The following NEK11 variants were observed in gnomAD, a reference collection of about 807,000 sequenced individuals.
NEK11 encodes the protein serine/threonine-protein kinase Nek11.
In NEK11, 72 loss-of-function variants were observed where a neutral mutation model predicts 80.7. The ratio of observed to expected loss-of-function variants is 0.89; its 90% CI spans 0.74 to 1.08. The LOEUF is 1.08. Among genes scored for constraint, NEK11 ranks in the 50% least tolerant of loss-of-function variants. The pLI, the probability that NEK11 is intolerant of heterozygous loss-of-function variation, is 0.00. For missense variants in NEK11, 764 were observed against 763.6 expected (o/e 1.00, Z -0.01); for synonymous variants, 251 against 260.7 (o/e 0.96, Z 0.36).
intron 3 of NEK11, among the ~76,000 whole-genome samples, chr3:131,075,156 G>T (rs2074128767): frequency 1.3e-5 from 2 of 152,100 alleles, no homozygotes; most frequent in Admixed American, 6.6e-5. Context: ...TGTGATCGGG[G>T]TACGTAGAAT....
chr3:131,187,503 T>C (rs1380541302), intron 14 of NEK11, among the ~76,000 whole-genome samples: 2 of 152,144 alleles, frequency 1.3e-5, no homozygotes, highest in Non-Finnish European at 2.9e-5. Context: ...GAGGGATTGG[T>C]TTACTGAAAT....
intron 5 of NEK11, among the ~76,000 whole-genome samples, chr3:131,115,964 T>G (rs1047026524): frequency 1.4e-5 from 2 of 145,146 alleles, no homozygotes; most frequent in Non-Finnish European, 3.0e-5. Flanking sequence ...CTTTCTTTCT[T>G]TCTTTCTTTC....
At chr3:131,063,189 T>C (rs2071235585) in intron 3 of NEK11, among the ~76,000 whole-genome samples, 2 of 152,106 alleles carry the variant, frequency 1.3e-5, no homozygotes, top group Non-Finnish European at 2.9e-5. Context: ...CACGCCCAGC[T>C]AATTTTTTTA....
chr3:131,341,230 CT>C lies in NEK11; in HGVS notation c.1719-8323del, dbSNP rs199808392. 9.9e-3 allele frequency among the ~76,000 whole-genome samples: 1,500 copies of C among 152,234 alleles called. 21 individuals are homozygous for C. Among genetic ancestry groups the C allele is most frequent in the African/African-American group, 0.032 (1,342 of 41,534 alleles). On this transcript the variant is annotated intron_variant, in intron 17 of 17. Transcript: ENST00000383366. ...TATTCCAAGACTAGAACACCTATAG[CT>C]TTTCTGTCAGCCTAAAATGAGTTTG...
intron 5 of NEK11, among the ~76,000 whole-genome samples, chr3:131,124,223 T>C (rs976049939): frequency 1.3e-5 from 2 of 152,214 alleles, no homozygotes; most frequent in Non-Finnish European, 2.9e-5. Flanking sequence ...TTGTGTCTCA[T>C]TGATGTTAGA....
At chr3:131,087,847 G>A (rs1365806140) in intron 4 of NEK11, among the ~76,000 whole-genome samples, 2 of 152,084 alleles carry the variant, frequency 1.3e-5, no homozygotes, top group Non-Finnish European at 2.9e-5. Context: ...CCTTTTCTGT[G>A]CTTCAGAACA....
intron 3 of NEK11, among the ~76,000 whole-genome samples, chr3:131,045,912 A>G (rs957134597): frequency 1.1e-4 from 16 of 152,154 alleles, no homozygotes; most frequent in African/African-American, 3.9e-4. Flanking sequence ...TTTGTCTGAT[A>G]TAAGAATAGC....
chr3:131,340,173 G>A (rs1171489748), intron 17 of NEK11, among the ~76,000 whole-genome samples: 1 of 152,190 alleles, frequency 6.6e-6, no homozygotes, highest in African/African-American at 2.4e-5. Flanking sequence ...CAGTTTTGTG[G>A]TTATGTAGAA....
intron 17 of NEK11, among the ~76,000 whole-genome samples, chr3:131,293,443 T>A (rs1350020652): frequency 6.6e-6 from 1 of 152,168 alleles, no homozygotes; most frequent in Non-Finnish European, 1.5e-5. Flanking sequence ...TAAATCCCAC[T>A]TGGTCATGTT....
intron 16 of NEK11, among the ~76,000 whole-genome samples, chr3:131,259,342 T>C (rs914869860): frequency 2.6e-5 from 4 of 152,210 alleles, no homozygotes; most frequent in African/African-American, 9.6e-5. Context: ...ATAAAATCAA[T>C]TCTCTGAAAG....
chr3:131,036,297 G>A (rs920740094), intron 3 of NEK11, among the ~76,000 whole-genome samples: 2 of 152,206 alleles, frequency 1.3e-5, no homozygotes, highest in African/African-American at 4.8e-5. Flanking sequence ...CTGGTCATCT[G>A]GAGCTTGAGT....
At chr3:131,154,632 G>A (rs1463423072) in intron 9 of NEK11, among the ~76,000 whole-genome samples, 2 of 152,182 alleles carry the variant, frequency 1.3e-5, no homozygotes, top group African/African-American at 4.8e-5. Context: ...TGGCTACTGA[G>A]TTTTTTGGTG....
At chr3:131,052,222 T>G (rs2068553628) in intron 3 of NEK11, among the ~76,000 whole-genome samples, 1 of 152,052 alleles carries the variant, frequency 6.6e-6, no homozygotes, top group African/African-American at 2.4e-5. Context: ...ATTCTTTTTT[T>G]TTTAAACAGC....
At chr3:131,102,464 G>C (rs1390926995) in intron 4 of NEK11, among the ~76,000 whole-genome samples, 1 of 152,148 alleles carries the variant, frequency 6.6e-6, no homozygotes, top group Non-Finnish European at 1.5e-5. Context: ...TGAAATTCTT[G>C]GTTGAAATTT....
chr3:131,066,604 C>T (rs752800004), intron 3 of NEK11, among the ~76,000 whole-genome samples: 4 of 152,012 alleles, frequency 2.6e-5, no homozygotes, highest in African/African-American at 7.2e-5. Flanking sequence ...GAGGTCAAGG[C>T]GGGCTGATCA....
chr3:131,294,981 T>A (rs1581531135), intron 17 of NEK11, among the ~76,000 whole-genome samples: 1 of 152,146 alleles, frequency 6.6e-6, no homozygotes, highest in East Asian at 1.9e-4. Context: ...AAAGTGAGTT[T>A]CTCGTAATTA....
Position 131,061,037 on chromosome 3 carries a change from T to A in NEK11, c.171-19386T>A, listed in dbSNP as rs1297975692. On this transcript the variant is annotated intron_variant, in intron 3 of 17. Coordinates refer to ENST00000383366, the MANE Select transcript of NEK11 (RefSeq NM_024800.5). ...TGTAGGGACTCAAAAATGAAAGTCATAAATCACTTGTAGCAGAATCACCTA... is the reference window on the plus strand; with the variant it reads ...TGTAGGGACTCAAAAATGAAAGTCAAAAATCACTTGTAGCAGAATCACCTA... Among the ~76,000 whole-genome samples the A allele has an allele frequency of 9.2e-5, 14 of 152,172 alleles. No homozygotes were observed. In the East Asian group the frequency reaches 2.7e-3, roughly 29 times the overall value.
chr3:131,190,738 A>T (rs919944120), intron 14 of NEK11, among the ~76,000 whole-genome samples: 3 of 152,196 alleles, frequency 2.0e-5, no homozygotes, highest in Admixed American at 1.3e-4. Context: ...TTAGTGGGGC[A>T]TTGAATCTCT....
At chr3:131,215,377 CA>C (rs1220406650) in intron 14 of NEK11, among the ~76,000 whole-genome samples, 1 of 151,810 alleles carries the variant, frequency 6.6e-6, no homozygotes, top group Non-Finnish European at 1.5e-5. Context: ...ACATATGTAA[CA>C]GACCTGCACG....
Sources: allele counts gnomAD v4.1 joint callset (sites outside exome capture counted in the v4.1 genomes callset), GRCh38; gene constraint gnomAD v4.1.1; transcripts MANE v1.5; gene names NCBI Gene and HGNC (gene_info 2026-07-23, HGNC 2026-07-21).